DOK3: variants seen among roughly 807,000 people sequenced by gnomAD.
The protein encoded by DOK3 is docking protein 3.
DOK3 carries 23 observed loss-of-function variants against 26.2 expected under a neutral mutation model. The observed-to-expected ratio is 0.88, with a 90% confidence interval of 0.63 to 1.24. DOK3 has a LOEUF of 1.24. DOK3 is among the 50% of genes most tolerant of loss of function. DOK3 has a pLI of 0.00. For missense variants in DOK3, 619 were observed against 610.6 expected (o/e 1.01, Z -0.15); for synonymous variants, 268 against 268.2 (o/e 1.00, Z 0.01).
chr5:177,505,090 T>G lies in DOK3; in HGVS notation c.393A>C (p.Ser131=), dbSNP rs1759925121. ...LAFPGTGEAS[S]GSTDAQSPKR... ...TGGGAGACTGGGCATCTGTGGATCC[T>G]GAGGAGGCCTCCCCTGTCCCCTGGG... Residue 131 remains serine (S), a synonymous_variant, in exon 4 of 6, where the codon TCA becomes TCC. Transcript: ENST00000510898. 6.2e-7 allele frequency: 1 copy of G among 1,611,524 alleles called. No individual in the cohort carries two copies. Among genetic ancestry groups the G allele is most frequent in the Admixed American group, 1.7e-5 (1 of 59,594 alleles).
chr5:177,509,844 CCG>C, upstream of DOK3: 1 of 1,611,058 alleles, frequency 6.2e-7, no homozygotes, highest in Non-Finnish European at 8.5e-7. Context: ...GTCTGGCTCC[CCG>C]AGTCATGAGT....
At chr5:177,504,720 C>A in intron 5 of DOK3, 23 bp downstream of exon 5, 1 of 1,613,952 alleles carries the variant, frequency 6.2e-7, no homozygotes, top group Non-Finnish European at 8.5e-7. Flanking sequence ...AGCCCCTCAC[C>A]CTTTCCCACC....
At chr5:177,510,191 C>T, upstream of DOK3, 1 of 457,942 alleles carries the variant, frequency 2.2e-6, no homozygotes, top group South Asian at 2.8e-5. Context: ...GCTCCTCAGC[C>T]CAACACTCAG....
Position 177,504,252 on chromosome 5 carries a change from G to A in DOK3, c.1054C>T (p.Pro352Ser), listed in dbSNP as rs959633389. The A allele has an allele frequency of 6.2e-6, 10 of 1,610,636 alleles. No homozygotes were observed. Among genetic ancestry groups the A allele is most frequent in the East Asian group, 2.2e-5 (1 of 44,762 alleles). Residue 352 changes from proline to serine, a missense_variant, in exon 6 of 6, where the codon CCC becomes TCC. Coordinates refer to ENST00000510898, the MANE Select transcript of DOK3 (RefSeq NM_001308236.3). ...TCAGGTTCCCCACCGTGCAGCGTGG[G>A]GCTGGCCTCCAGCACACACAGGTTC... ...YENLCVLEAS[P>S]TLHGGEPEPH...
chr5:177,507,964 A>T (rs1760427628), intron 3 of DOK3, among the ~76,000 whole-genome samples: 1 of 152,144 alleles, frequency 6.6e-6, no homozygotes, highest in South Asian at 2.1e-4. Flanking sequence ...CCCTGTCCTC[A>T]GACCTTTGCC....
chr5:177,505,249 A>G (rs982852867), intron 3 of DOK3, 139 bp from the exon 4 acceptor site: 7 of 756,326 alleles, frequency 9.3e-6, no homozygotes, highest in East Asian at 5.7e-5. Context: ...GGCTCGCTGC[A>G]TAAGCCTAGG....
intron 2 of DOK3, 88 bp from the exon 3 acceptor site, chr5:177,508,630 C>T: frequency 7.2e-7 from 1 of 1,382,188 alleles, no homozygotes; most frequent in South Asian, 1.5e-5. Flanking sequence ...GGCAAACGCT[C>T]CCAGCCAGGA....
upstream of DOK3, chr5:177,509,988 T>A: frequency 9.0e-7 from 1 of 1,116,176 alleles, no homozygotes; most frequent in Non-Finnish European, 1.3e-6. Flanking sequence ...TTTGAGCGCC[T>A]CACCCCATCT....
upstream of DOK3, chr5:177,510,982 T>G (rs1448543875): frequency 2.0e-5 from 3 of 152,304 alleles, no homozygotes; most frequent in African/African-American, 7.2e-5. Flanking sequence ...CGTCCACGTT[T>G]CTGCGTGTGC....
rs750801141 is a variant in DOK3, at chr5:177,508,274, T to G, written c.335A>C (p.Gln112Pro). 6.4e-7 allele frequency: 1 copy of G among 1,554,894 alleles called. No homozygotes were observed. The highest frequency in any genetic ancestry group is 8.7e-7 in the Non-Finnish European group (1 of 1,149,376). ...RSHLLAAQHR[Q>P]AWMGPICQLA... is the part of the protein sequence containing the mutation. ...CTGGCAGATGGGGCCCATCCAGGCC[T>G]GGCGGTGCTGAGCAGCCAGTAGATG... Residue 112 changes from glutamine to proline, a missense_variant, in exon 3 of 6, where the codon CAG (glutamine) becomes CCG (proline). Gln to Pro is a moderately conservative substitution (Grantham distance 76, BLOSUM62 -1). Coordinates refer to ENST00000510898, the MANE Select transcript of DOK3 (RefSeq NM_001308236.3).
rs1282367678 is a variant in DOK3, at chr5:177,503,306, A to G, written c.*677T>C. 2 of 1,551,260 alleles carry G rather than the reference A, an allele frequency of 1.3e-6. No individual in the cohort carries two copies. The highest frequency in any genetic ancestry group is 1.2e-5 in the South Asian group (1 of 84,056). ...CTGGCACTGAGTAGGCACGCAGCAA[A>G]CTCTCATCAAGGATTATGCCTGATA... On this transcript the variant is annotated 3_prime_UTR_variant, in exon 6 of 6. Transcript: ENST00000510898.
In DOK3 at chr5:177,503,194, T is replaced by G; in HGVS notation, c.*789A>C. ...CAGAGGAGGGAACGCAGCATGGAAG[T>G]CTTCAGGAAACTTCTCTCCCCCTGG... is the stretch of plus-strand genomic sequence containing the variant. On this transcript the variant is annotated 3_prime_UTR_variant, in exon 6 of 6. Coordinates refer to ENST00000510898, the MANE Select transcript of DOK3 (RefSeq NM_001308236.3). 6.4e-7 allele frequency: 1 copy of G among 1,551,518 alleles called. No individual in the cohort carries two copies. The highest frequency in any genetic ancestry group is 8.7e-7 in the Non-Finnish European group (1 of 1,146,910).
At position 177,504,911 on chromosome 5, in the gene DOK3, G is replaced by A. The variant is rs757999983; in HGVS notation, c.477C>T (p.Gly159=). 21 of 1,584,718 alleles carry A rather than the reference G, an allele frequency of 1.3e-5. No homozygotes were observed. Among genetic ancestry groups the A allele is most frequent in the South Asian group, 1.0e-4 (9 of 86,836 alleles). Residue 159 remains glycine, a synonymous_variant, in exon 5 of 6, where the codon GGC becomes GGT. Coordinates refer to ENST00000510898, the MANE Select transcript of DOK3 (RefSeq NM_001308236.3). ...NSIYSSWQEV[G]EFPVVVQRTE... is the part of the protein sequence containing the mutation. ...TCCTCTGCACCACCACGGGAAACTC[G>A]CCCACTGTGGCAGGTGGCCAGGACA...
At position 177,504,475 on chromosome 5, in the gene DOK3, G is replaced by C. The variant is rs1368735291; in HGVS notation, c.831C>G (p.Ser277=). The part of the protein sequence containing the change: ...CPLPRATSLP[S]LDTPGELREM... Reference sequence around the variant, plus strand: ...CCCGAAGCTCTCCGGGGGTGTCCAGGGAGGGCAGAGAGGTGGCCCGTGGCA... The same window carrying C: ...CCCGAAGCTCTCCGGGGGTGTCCAGCGAGGGCAGAGAGGTGGCCCGTGGCA... The change falls in exon 6 of 6, where the codon TCC becomes TCG. Residue 277 remains serine (S), a synonymous_variant. Coordinates refer to ENST00000510898, the MANE Select transcript of DOK3 (RefSeq NM_001308236.3). 1 of 1,583,620 alleles carries C rather than the reference G, an allele frequency of 6.3e-7. No homozygotes were observed. Among genetic ancestry groups the C allele is most frequent in the African/African-American group, 1.4e-5 (1 of 74,054 alleles).
chr5:177,505,097 G>A lies in DOK3; in HGVS notation c.386C>T (p.Ala129Val). Residue 129 changes from alanine (A) to valine (V), a missense_variant, in exon 4 of 6, where the codon GCC becomes GTC. Coordinates refer to ENST00000510898, the MANE Select transcript of DOK3 (RefSeq NM_001308236.3). ...CTGGGCATCTGTGGATCCTGAGGAG[G>A]CCTCCCCTGTCCCCTGGGGAATGAG... The part of the protein sequence containing the change: ...CQLAFPGTGE[A>V]SSGSTDAQSP... 6.2e-7 allele frequency: 1 copy of A among 1,610,436 alleles called. No individual in the cohort carries two copies. Among genetic ancestry groups the A allele is most frequent in the Non-Finnish European group, 8.5e-7 (1 of 1,178,530 alleles).
At position 177,504,822 on chromosome 5, in the gene DOK3, A is replaced by G; in HGVS notation, c.566T>C (p.Ile189Thr). The G allele has an allele frequency of 6.2e-7, 1 of 1,613,688 alleles. No individual in the cohort carries two copies. The highest frequency in any genetic ancestry group is 1.1e-5 in the South Asian group (1 of 91,060). The change falls in exon 5 of 6, where the codon ATC (isoleucine) becomes ACC (threonine). Residue 189 changes from isoleucine (I) to threonine (T), a missense_variant. Physicochemically the swap from Ile to Thr is moderately conservative, Grantham distance 89. Coordinates refer to ENST00000510898, the MANE Select transcript of DOK3 (RefSeq NM_001308236.3). ...PALLVLGPDA[I>T]QLREAKGTQA... ...GGTGCCCTTGGCCTCCCTCAGCTGG[A>G]TGGCGTCTGGGCCCAGCACCAGCAG...
Position 177,503,385 on chromosome 5 carries a change from A to G in DOK3, c.*598T>C. On this transcript the variant is annotated 3_prime_UTR_variant, in exon 6 of 6. Transcript: ENST00000510898. ...GAGGAGACTGACGCCTGGGGTTCCC[A>G]GAAGTATCTGCAAATTGTTGGAGTT... is the stretch of plus-strand genomic sequence containing the variant. 6.5e-7 allele frequency: 1 copy of G among 1,535,914 alleles called. No individual in the cohort carries two copies. Among genetic ancestry groups the G allele is most frequent in the Non-Finnish European group, 8.8e-7 (1 of 1,134,402 alleles).
In DOK3 at chr5:177,503,309, C is replaced by G; in HGVS notation, c.*674G>C. On this transcript the variant is annotated 3_prime_UTR_variant, in exon 6 of 6. Coordinates refer to ENST00000510898, the MANE Select transcript of DOK3 (RefSeq NM_001308236.3). ...GCACTGAGTAGGCACGCAGCAAACTCTCATCAAGGATTATGCCTGATACGT... is the reference window on the plus strand; with the variant it reads ...GCACTGAGTAGGCACGCAGCAAACTGTCATCAAGGATTATGCCTGATACGT... 6.4e-7 allele frequency: 1 copy of G among 1,551,444 alleles called. No individual in the cohort carries two copies. Among genetic ancestry groups the G allele is most frequent in the Non-Finnish European group, 8.7e-7 (1 of 1,146,692 alleles).
At chr5:177,509,847 AGT>A, upstream of DOK3, 2 of 1,610,710 alleles carry the variant, frequency 1.2e-6, no homozygotes, top group Non-Finnish European at 1.7e-6. Context: ...TGGCTCCCCG[AGT>A]CATGAGTTCC....
Sources: allele counts gnomAD v4.1 joint callset (sites outside exome capture counted in the v4.1 genomes callset), GRCh38; gene constraint gnomAD v4.1.1; transcripts MANE v1.5; gene names NCBI Gene and HGNC (gene_info 2026-07-23, HGNC 2026-07-21).